STX8: variants seen among roughly 807,000 people sequenced by gnomAD.
STX8 encodes syntaxin 8.
A neutral mutation model predicts 37.5 loss-of-function variants in STX8; 23 were observed. The ratio of observed to expected loss-of-function variants is 0.61; its 90% CI spans 0.44 to 0.87. STX8 has a LOEUF of 0.87. STX8 is among the 40% of genes least tolerant of loss of function. The probability of loss-of-function intolerance (pLI) is 0.00; values close to 1 mark genes in which losing one functional copy is unlikely to be tolerated. For synonymous variants in STX8, 115 were observed against 99.1 expected (o/e 1.16, Z -0.95); for missense variants, 313 against 284.7 (o/e 1.10, Z -0.71).
intron 4 of STX8, among the ~76,000 whole-genome samples, chr17:9,532,112 A>G (rs2142543670): frequency 6.6e-6 from 1 of 151,962 alleles, no homozygotes; most frequent in Non-Finnish European, 1.5e-5. Context: ...TTTAGTCTCT[A>G]TTTGGAAGTC....
intron 7 of STX8, among the ~76,000 whole-genome samples, chr17:9,256,501 G>T (rs953623948): frequency 6.6e-6 from 1 of 152,200 alleles, no homozygotes; most frequent in Non-Finnish European, 1.5e-5. Context: ...GTCAGCTTTC[G>T]CAAGGATCCA....
intron 4 of STX8, 117 bp downstream of exon 4, chr17:9,545,055 T>C: frequency 1.5e-6 from 1 of 664,834 alleles, no homozygotes; most frequent in Non-Finnish European, 2.6e-6. Flanking sequence ...TCAAACACCA[T>C]AAATGAATAG....
At chr17:9,559,760 A>ATATATAT in intron 2 of STX8, among the ~76,000 whole-genome samples, 3 of 24,494 alleles carry the variant, frequency 1.2e-4, no homozygotes, top group African/African-American at 1.9e-4. Flanking sequence ...ATATATATAT[A>ATATATAT]TTTTTTTTTT....
intron 6 of STX8, among the ~76,000 whole-genome samples, chr17:9,428,601 G>C (rs969697490): frequency 6.6e-6 from 1 of 152,154 alleles, no homozygotes; most frequent in African/African-American, 2.4e-5. Flanking sequence ...TCTGATTTCT[G>C]GACAAGCCCT....
chr17:9,273,525 C>T (rs1200285228), intron 7 of STX8: 1 of 152,574 alleles, frequency 6.6e-6, no homozygotes, highest in Admixed American at 6.5e-5. Context: ...AGGACCACGC[C>T]AGGCCACACA....
intron 6 of STX8, among the ~76,000 whole-genome samples, chr17:9,458,828 A>AT (rs140952416): frequency 8.2e-6 from 1 of 122,030 alleles, no homozygotes; most frequent in Non-Finnish European, 1.8e-5. Flanking sequence ...CAGTTATTTA[A>AT]TTTTTTTTTT....
chr17:9,408,132 A>G (rs1362398705), intron 6 of STX8, among the ~76,000 whole-genome samples: 2 of 152,200 alleles, frequency 1.3e-5, no homozygotes, highest in Non-Finnish European at 2.9e-5. Context: ...GTCTGATGAG[A>G]ATTTATGATT....
At chr17:9,449,386 C>G (rs1045008305) in intron 6 of STX8, among the ~76,000 whole-genome samples, 2 of 152,186 alleles carry the variant, frequency 1.3e-5, no homozygotes, top group African/African-American at 4.8e-5. Context: ...CGGCGAAACC[C>G]CGTCTCCACT....
At chr17:9,271,512 G>A (rs1443609488) in intron 7 of STX8, among the ~76,000 whole-genome samples, 1 of 152,132 alleles carries the variant, frequency 6.6e-6, no homozygotes, top group Non-Finnish European at 1.5e-5. Flanking sequence ...AGCACTTTGG[G>A]AGGCCGAAGT....
At chr17:9,394,952 C>CT (rs112959732) in intron 6 of STX8, among the ~76,000 whole-genome samples, 49,460 of 150,064 alleles carry the variant, frequency 0.33, 10,169 homozygotes, top group African/African-American at 0.59. Flanking sequence ...TGGCGGGCGC[C>CT]GTAATCCCAA....
intron 6 of STX8, among the ~76,000 whole-genome samples, chr17:9,381,976 A>C (rs1010742048): frequency 6.6e-6 from 1 of 151,830 alleles, no homozygotes; most frequent in East Asian, 1.9e-4. Flanking sequence ...CTTGGGGGAA[A>C]AAACAAACAA....
chr17:9,416,435 T>C (rs868699993), intron 6 of STX8, among the ~76,000 whole-genome samples: 1 of 152,168 alleles, frequency 6.6e-6, no homozygotes, highest in African/African-American at 2.4e-5. Context: ...AGTAGCACGA[T>C]CTCAGTTCAC....
intron 6 of STX8, among the ~76,000 whole-genome samples, chr17:9,452,030 G>T (rs1905057656): frequency 6.6e-6 from 1 of 152,132 alleles, no homozygotes; most frequent in Admixed American, 6.5e-5. Flanking sequence ...TGTCCTACTG[G>T]AGTCAAATAA....
At chr17:9,486,041 T>A (rs1187388664) in intron 6 of STX8, among the ~76,000 whole-genome samples, 1 of 152,146 alleles carries the variant, frequency 6.6e-6, no homozygotes, top group Non-Finnish European at 1.5e-5. Flanking sequence ...TGTACCTACT[T>A]TAAGGCATGC....
intron 3 of STX8, among the ~76,000 whole-genome samples, chr17:9,546,160 C>T (rs1906498981): frequency 6.6e-6 from 1 of 152,116 alleles, no homozygotes; most frequent in Non-Finnish European, 1.5e-5. Flanking sequence ...CATCAGTTCA[C>T]TATTTAAATA....
At chr17:9,271,765 A>AAG in intron 7 of STX8, among the ~76,000 whole-genome samples, 1 of 151,146 alleles carries the variant, frequency 6.6e-6, no homozygotes, top group African/African-American at 2.4e-5. Flanking sequence ...AAAAAAAAAA[A>AAG]AAAGAAAGAA....
intron 7 of STX8, among the ~76,000 whole-genome samples, chr17:9,278,363 C>T (rs750251589): frequency 1.3e-5 from 2 of 152,044 alleles, no homozygotes; most frequent in South Asian, 2.1e-4. Context: ...ACAGGAGAAT[C>T]GCTTGAACCC....
intron 6 of STX8, among the ~76,000 whole-genome samples, chr17:9,401,512 G>A (rs576271607): frequency 2.0e-5 from 3 of 152,236 alleles, no homozygotes; most frequent in East Asian, 1.9e-4. Context: ...CATGGATTAC[G>A]TAACTTGTCC....
chr17:9,251,731 C>A (rs1203574032), intron 7 of STX8, among the ~76,000 whole-genome samples: 1 of 152,254 alleles, frequency 6.6e-6, no homozygotes. Flanking sequence ...GTCCAATTTG[C>A]TTTCCGGTCC....
Sources: gnomAD v4.1 joint callset for allele counts (sites outside exome capture counted in the v4.1 genomes callset) on GRCh38, gnomAD v4.1.1 for gene constraint, MANE v1.5 for transcripts, NCBI Gene and HGNC (gene_info 2026-07-23, HGNC 2026-07-21) for gene names.